The following CEP97 variants were observed in gnomAD, a reference collection of about 807,000 sequenced individuals.
The protein encoded by CEP97 is centrosomal protein 97.
In CEP97, 43 loss-of-function variants were observed where a neutral mutation model predicts 73.1. That is an observed-to-expected ratio of 0.59 (90% confidence interval 0.46 to 0.76). The LOEUF (loss-of-function observed/expected upper bound fraction) is 0.76, where lower values mean the gene tolerates loss of function less well. Ranked by LOEUF, CEP97 falls within the 30% of genes least tolerant of loss-of-function variation. The pLI, the probability that CEP97 is intolerant of heterozygous loss-of-function variation, is 0.00. For missense variants in CEP97, 939 were observed against 1,014.0 expected (o/e 0.93, Z 1.00); for synonymous variants, 337 against 370.0 (o/e 0.91, Z 1.02).
rs372363566 is a variant in CEP97 at position 101,758,232 on chromosome 3, C to T, written c.1626C>T (p.Thr542=). 2.2e-5 allele frequency: 35 copies of T among 1,614,004 alleles called. No individual in the cohort carries two copies. The highest frequency in any genetic ancestry group is 3.3e-4 in the Middle Eastern group (2 of 6,084). ...CAGAGAAACTTCCCATGATTTTAAC[C>T]CAGAGATCTGTTGCTTTGGGACAAG... is the stretch of plus-strand genomic sequence containing the variant. ...ATSEKLPMIL[T]QRSVALGQDK... Residue 542 remains threonine (T), a synonymous_variant, in exon 9 of 11, where the codon ACC becomes ACT. Coordinates refer to ENST00000341893, the MANE Select transcript of CEP97 (RefSeq NM_024548.4).
intron 9 of CEP97, 68 bp from the exon 10 acceptor site, chr3:101,762,417 A>G: frequency 1.1e-6 from 1 of 881,764 alleles, no homozygotes. Flanking sequence ...TGTGTTTATG[A>G]GTTGTAACAG....
chr3:101,728,965 A>C (rs1252656749), intron 4 of CEP97, 28 bp downstream of exon 4: 1 of 1,258,166 alleles, frequency 7.9e-7, no homozygotes, highest in Non-Finnish European at 1.2e-6. Context: ...GTCATTTGTG[A>C]AGTTTTATAG....
At chr3:101,724,960 C>T (rs550951357) in intron 1 of CEP97, among the ~76,000 whole-genome samples, 1 of 152,356 alleles carries the variant, frequency 6.6e-6, no homozygotes, top group South Asian at 2.1e-4. Context: ...TCGCGCGGCC[C>T]GGCGCCCTGG....
intron 6 of CEP97, among the ~76,000 whole-genome samples, chr3:101,749,372 A>G (rs1404376098): frequency 2.8e-5 from 4 of 142,040 alleles, no homozygotes; most frequent in Non-Finnish European, 4.6e-5. Context: ...TATGTGCCAC[A>G]TTTTCTTAAT....
At chr3:101,740,293 C>T (rs1442791561) in intron 6 of CEP97, among the ~76,000 whole-genome samples, 1 of 152,150 alleles carries the variant, frequency 6.6e-6, no homozygotes, top group East Asian at 1.9e-4. Context: ...GATACAAAAT[C>T]AATGTGCAAA....
rs1939305116 is a variant in CEP97, at chr3:101,765,840, A to G, written c.*289A>G. On this transcript the variant is annotated 3_prime_UTR_variant, in exon 11 of 11. Transcript: ENST00000341893. The stretch of plus-strand genomic sequence containing the variant: ...AACAATGTTCCTGTTTCTTTCATGT[A>G]CTCATTTACTTTCAAAAATAAGCTA... The G allele has an allele frequency of 4.3e-6, 1 of 231,626 alleles. No individual in the cohort carries two copies. The highest frequency in any genetic ancestry group is 2.3e-5 in the African/African-American group (1 of 44,156). The allele number at this position is 231,626 out of a possible 1,614,324, so 14.3% of individuals were successfully genotyped here.
chr3:101,762,752 A>T (rs141821216), intron 10 of CEP97, among the ~76,000 whole-genome samples, 192 bp downstream of exon 10: 420 of 152,344 alleles, frequency 2.8e-3, no homozygotes, highest in African/African-American at 9.4e-3. Flanking sequence ...GAAGAAAAAT[A>T]TTCTGACAAT....
At chr3:101,732,385 A>C in intron 5 of CEP97, 103 bp from the exon 6 acceptor site, 1 of 777,738 alleles carries the variant, frequency 1.3e-6, no homozygotes, top group Non-Finnish European at 2.1e-6. Context: ...ACAAGAGGGA[A>C]ATTATCACAT....
chr3:101,740,601 T>G (rs922939714), intron 6 of CEP97, among the ~76,000 whole-genome samples: 4 of 152,140 alleles, frequency 2.6e-5, no homozygotes, highest in Admixed American at 2.6e-4. Context: ...TTCTTTTTTT[T>G]TTTTTGAGAC....
rs191271728 is a variant in CEP97, at chr3:101,724,759, C to A, written c.43+40C>A. The A allele has an allele frequency of 3.8e-6, 6 of 1,599,456 alleles. No individual in the cohort carries two copies. In the South Asian group the frequency reaches 6.6e-5, roughly 18 times the overall value. ...ACCCCGAGTCCTAAGGTTTACTTCA[C>A]GGAGCTGAATTAAATAGTGGAGAGC... On this transcript the variant is annotated intron_variant, in intron 1 of 10. Transcript: ENST00000341893.
intron 4 of CEP97, among the ~76,000 whole-genome samples, chr3:101,729,286 C>T (rs1202936899): frequency 3.3e-5 from 5 of 150,696 alleles, no homozygotes; most frequent in African/African-American, 4.9e-5. Context: ...TGTGGTGACC[C>T]GAGATTGGGT....
At chr3:101,761,170 C>T (rs778100218) in intron 9 of CEP97, among the ~76,000 whole-genome samples, 1 of 152,012 alleles carries the variant, frequency 6.6e-6, no homozygotes, top group Non-Finnish European at 1.5e-5. Flanking sequence ...CCCAGGCTGG[C>T]TGGAATTTTA....
chr3:101,752,479 T>C (rs915688422), intron 6 of CEP97, among the ~76,000 whole-genome samples: 2 of 152,232 alleles, frequency 1.3e-5, no homozygotes, highest in Admixed American at 6.5e-5. Flanking sequence ...GGATAATATC[T>C]TGCAGAGTGT....
rs1311552418 is a variant in CEP97, at chr3:101,755,496, G to C, written c.795G>C (p.Gln265His). 6.2e-7 allele frequency: 1 copy of C among 1,614,104 alleles called. No individual in the cohort carries two copies. Among genetic ancestry groups the C allele is most frequent in the Non-Finnish European group, 8.5e-7 (1 of 1,179,992 alleles). Residue 265 changes from glutamine to histidine, a missense_variant, in exon 7 of 11, where the codon CAG becomes CAC. Gln to His is a conservative substitution (Grantham distance 24). Transcript: ENST00000341893. ...CATATCGGCCTGGCCAGCACATCCA[G>C]CTTGTCCAATATCTGGCTACAGTCT... ...GRAYRPGQHI[Q>H]LVQYLATVCP...
At chr3:101,731,809 A>C (rs749163775) in intron 4 of CEP97, 31 bp from the exon 5 acceptor site, 1 of 1,253,688 alleles carries the variant, frequency 8.0e-7, no homozygotes, top group Non-Finnish European at 1.2e-6. Flanking sequence ...TAATCTTTTC[A>C]TTTGTAATTC....
Position 101,767,843 on chromosome 3 carries a change from G to A in CEP97, c.*2292G>A, listed in dbSNP as rs1409570945. On this transcript the variant is annotated 3_prime_UTR_variant, in exon 11 of 11. Transcript: ENST00000341893. ...ATATTATCTTGAATGTAGATAAAAT[G>A]AAAATACTGTAAATTAGAGTGTAGG... 1 of 152,164 alleles carries A rather than the reference G, an allele frequency of 6.6e-6. No homozygotes were observed. Among genetic ancestry groups the A allele is most frequent in the African/African-American group, 2.4e-5 (1 of 41,452 alleles). The allele number at this position is 152,164 out of a possible 1,614,324, so 9.4% of individuals were successfully genotyped here.
chr3:101,728,833 T>C lies in CEP97; in HGVS notation c.346-3T>C. ...AAATAGTGTGATGCTTTTCTTGTGA[T>C]AGGCCATGGAACAGATCAATAGCTG... On this transcript the variant is annotated splice_polypyrimidine_tract_variant and splice_region_variant and intron_variant, in intron 3 of 10. Coordinates refer to ENST00000341893, the MANE Select transcript of CEP97 (RefSeq NM_024548.4). The C allele has an allele frequency of 6.3e-7, 1 of 1,576,176 alleles. No homozygotes were observed. Among genetic ancestry groups the C allele is most frequent in the Middle Eastern group, 1.7e-4 (1 of 6,004 alleles).
intron 6 of CEP97, among the ~76,000 whole-genome samples, chr3:101,743,117 G>A (rs895269596): frequency 1.3e-5 from 2 of 151,706 alleles, no homozygotes; most frequent in Non-Finnish European, 2.9e-5. Context: ...GTGGTGGTGT[G>A]TGCCTGTAGT....
At chr3:101,735,220 T>C (rs1445142964) in intron 6 of CEP97, among the ~76,000 whole-genome samples, 2 of 152,264 alleles carry the variant, frequency 1.3e-5, no homozygotes, top group Admixed American at 1.3e-4. Context: ...TTCTATACTG[T>C]GGAAATGGTT....
Sources: gnomAD v4.1 joint callset for allele counts (sites outside exome capture counted in the v4.1 genomes callset) on GRCh38, gnomAD v4.1.1 for gene constraint, MANE v1.5 for transcripts, NCBI Gene and HGNC (gene_info 2026-07-23, HGNC 2026-07-21) for gene names.